FCHO2: variants seen among roughly 807,000 people sequenced by gnomAD.
The protein encoded by FCHO2 is FCH and mu domain containing endocytic adaptor 2, also known as F-BAR domain only protein 2.
FCHO2 carries 43 observed loss-of-function variants against 114.1 expected under a neutral mutation model. The observed-to-expected ratio is 0.38, with a 90% CI of 0.30 to 0.49. FCHO2 has a LOEUF of 0.49. FCHO2 is among the 20% of genes least tolerant of loss of function. The probability of loss-of-function intolerance (pLI) is 0.97; values close to 1 mark genes in which losing one functional copy is unlikely to be tolerated. For synonymous variants in FCHO2, 293 were observed against 315.2 expected (o/e 0.93, Z 0.75); for missense variants, 807 against 950.4 (o/e 0.85, Z 1.98).
chr5:73,068,757 T>C lies in FCHO2; in HGVS notation c.1557T>C (p.Ser519=), dbSNP rs1742489366. The change falls in exon 19 of 26, where the codon AGT becomes AGC. Residue 519 remains serine (S), a synonymous_variant. Coordinates refer to ENST00000430046, the MANE Select transcript of FCHO2 (RefSeq NM_138782.3). ...SSSISSSASL[S]AANTPTVGVS... The stretch of plus-strand genomic sequence containing the variant: ...CTATCTCATCATCTGCTTCATTGAG[T>C]GCTGCCAATACTCCAACAGTAGGTA... The C allele has an allele frequency of 6.2e-7, 1 of 1,612,150 alleles. No individual in the cohort carries two copies. Among genetic ancestry groups the C allele is most frequent in the East Asian group, 2.2e-5 (1 of 44,820 alleles).
intron 19 of FCHO2, among the ~76,000 whole-genome samples, chr5:73,071,047 A>G (rs187813510): frequency 3.5e-4 from 53 of 152,166 alleles, no homozygotes; most frequent in Admixed American, 1.9e-3. Context: ...GAATTGTATG[A>G]TGTCTCAGAA....
chr5:73,058,587 A>T (rs1360123135), intron 17 of FCHO2, 63 bp downstream of exon 17: 6 of 744,422 alleles, frequency 8.1e-6, no homozygotes, highest in African/African-American at 3.7e-5. Flanking sequence ...GCTTTTTCTC[A>T]TTCACTTTTT....
intron 13 of FCHO2, 94 bp downstream of exon 13, chr5:73,052,601 A>G (rs551242714): frequency 1.6e-5 from 16 of 973,952 alleles, no homozygotes; most frequent in Admixed American, 9.0e-5. Context: ...ATTGTTAAGC[A>G]TGTTGACTGA....
intron 11 of FCHO2, among the ~76,000 whole-genome samples, chr5:73,050,844 ACT>A (rs1242861743): frequency 6.6e-6 from 1 of 151,528 alleles, no homozygotes; most frequent in Non-Finnish European, 1.5e-5. Context: ...TCTGGTTGTC[ACT>A]CTTTATGGCA....
chr5:73,049,022 G>A (rs1161610815), intron 11 of FCHO2, among the ~76,000 whole-genome samples: 3 of 150,722 alleles, frequency 2.0e-5, no homozygotes, highest in African/African-American at 7.3e-5. Flanking sequence ...GACTACAGGC[G>A]CCCGCTACCA....
At chr5:73,020,900 TATC>T (rs776760277) in intron 8 of FCHO2, 174 of 1,240,724 alleles carry the variant, frequency 1.4e-4, no homozygotes, top group Non-Finnish European at 1.9e-4. Flanking sequence ...CGGGAGAGCT[TATC>T]ATCTTTATCG....
chr5:72,964,798 C>T (rs1752100287), intron 1 of FCHO2, among the ~76,000 whole-genome samples: 1 of 152,086 alleles, frequency 6.6e-6, no homozygotes, highest in African/African-American at 2.4e-5. Flanking sequence ...GGTTGTCTCC[C>T]CATCCATAAT....
At chr5:73,050,320 A>C (rs2112832216) in intron 11 of FCHO2, among the ~76,000 whole-genome samples, 1 of 149,008 alleles carries the variant, frequency 6.7e-6, no homozygotes, top group South Asian at 2.1e-4. Context: ...TTATTTATTT[A>C]TTTATTTATT....
intron 22 of FCHO2, among the ~76,000 whole-genome samples, chr5:73,080,027 T>C (rs1743040201): frequency 6.6e-6 from 1 of 152,234 alleles, no homozygotes; most frequent in Non-Finnish European, 1.5e-5. Context: ...AATAAATGTG[T>C]GTGTTTATAA....
intron 18 of FCHO2, among the ~76,000 whole-genome samples, chr5:73,067,576 A>G (rs186188768): frequency 9.9e-5 from 15 of 152,198 alleles, no homozygotes; most frequent in Admixed American, 6.6e-4. Context: ...ATATTCATGC[A>G]ATGAAGAATT....
chr5:72,961,825 A>G (rs1276533907), intron 1 of FCHO2, among the ~76,000 whole-genome samples: 1 of 152,154 alleles, frequency 6.6e-6, no homozygotes, highest in Non-Finnish European at 1.5e-5. Flanking sequence ...TCCTGACCTC[A>G]GGTGATCCGC....
At position 72,990,771 on chromosome 5, in the gene FCHO2, G is replaced by T; in HGVS notation, c.402G>T (p.Gln134His). The T allele has an allele frequency of 1.9e-6, 3 of 1,555,880 alleles. No homozygotes were observed. Among genetic ancestry groups the T allele is most frequent in the Non-Finnish European group, 2.6e-6 (3 of 1,149,072 alleles). ...TCCAAACCATTCAGAGCATAACTCAGGCCCTCCAGAAATCCAAGGAAAATT... is the reference window on the plus strand; with the variant it reads ...TCCAAACCATTCAGAGCATAACTCATGCCCTCCAGAAATCCAAGGAAAATT... Reference protein sequence around the residue: ...EAVQTIQSITQALQKSKENYN... With the variant: ...EAVQTIQSITHALQKSKENYN... Residue 134 changes from glutamine (Q) to histidine (H), a missense_variant, in exon 5 of 26, where the codon CAG becomes CAT. Physicochemically the swap from Gln to His is conservative, Grantham distance 24 (BLOSUM62 0). Transcript: ENST00000430046.
intron 19 of FCHO2, among the ~76,000 whole-genome samples, chr5:73,071,616 T>G (rs1036631361): frequency 2.0e-5 from 3 of 152,206 alleles, no homozygotes; most frequent in Non-Finnish European, 4.4e-5. Context: ...GAGAATAAAT[T>G]TTTATTTCTA....
At chr5:73,034,579 T>C in intron 8 of FCHO2, 78 bp from the exon 9 acceptor site, 1 of 1,133,306 alleles carries the variant, frequency 8.8e-7, no homozygotes, top group South Asian at 1.5e-5. Context: ...ATAAAAAATT[T>C]AAAATGTAAA....
At position 73,078,170 on chromosome 5, in the gene FCHO2, A is replaced by C. The variant is rs1428026121; in HGVS notation, c.1848-10A>C. On this transcript the variant is annotated splice_polypyrimidine_tract_variant and intron_variant, in intron 21 of 25. Coordinates refer to ENST00000430046, the MANE Select transcript of FCHO2 (RefSeq NM_138782.3). ...CAATAAAATAACAAATATATTTTTT[A>C]TATATGTAGTGATCCATCACAATGT... 2 of 1,490,120 alleles carry C rather than the reference A, an allele frequency of 1.3e-6. No individual in the cohort carries two copies. Among genetic ancestry groups the C allele is most frequent in the Admixed American group, 5.1e-5 (2 of 39,556 alleles). 92.3% of individuals were successfully genotyped at this position (1,490,120 alleles called of 1,614,324 possible). A position where few individuals can be genotyped will look rare whatever the true frequency, so the allele number is the denominator to read the frequency against.
At chr5:73,014,269 T>G (rs1450203951) in intron 6 of FCHO2, among the ~76,000 whole-genome samples, 2 of 151,604 alleles carry the variant, frequency 1.3e-5, no homozygotes, top group Non-Finnish European at 2.9e-5. Flanking sequence ...ATATTATTAT[T>G]TCTTTTTTCT....
In FCHO2 at chr5:73,048,779, A is replaced by G. The variant is rs555583499; in HGVS notation, c.940-2570A>G. ...AGTTTTTCTCTGTAGGGGTTGTGCCAATTATTGTATTAATACCCACAAAGT... is the reference window on the plus strand; with the variant it reads ...AGTTTTTCTCTGTAGGGGTTGTGCCGATTATTGTATTAATACCCACAAAGT... On this transcript the variant is annotated intron_variant, in intron 11 of 25. Transcript: ENST00000430046. Among the ~76,000 whole-genome samples the G allele has an allele frequency of 2.6e-4, 36 of 135,968 alleles. No individual in the cohort carries two copies. In the East Asian group the frequency reaches 3.7e-3, roughly 14 times the overall value. The allele number at this position is 135,968 out of a possible 152,430, so 89.2% of individuals were successfully genotyped here.
chr5:73,073,005 A>G (rs960204392), intron 19 of FCHO2, among the ~76,000 whole-genome samples: 8 of 152,104 alleles, frequency 5.3e-5, no homozygotes, highest in African/African-American at 1.7e-4. Flanking sequence ...TTAGAACAAT[A>G]TATTAGGGAA....
chr5:72,990,481 A>C lies in FCHO2; in HGVS notation c.204A>C (p.Thr68=). The change falls in exon 4 of 26, where the codon ACA becomes ACC. Residue 68 remains threonine (T), a synonymous_variant. Coordinates refer to ENST00000430046, the MANE Select transcript of FCHO2 (RefSeq NM_138782.3). The part of the protein sequence containing the change: ...KSASNYSQLG[T]FAPVWDVFKT... ...CCCATATTTTTTATTTTCTTAGAACATTTGCACCAGTATGGGATGTATTCA... is the reference window on the plus strand; with the variant it reads ...CCCATATTTTTTATTTTCTTAGAACCTTTGCACCAGTATGGGATGTATTCA... 6.6e-7 allele frequency: 1 copy of C among 1,505,512 alleles called. No homozygotes were observed. The highest frequency in any genetic ancestry group is 8.8e-7 in the Non-Finnish European group (1 of 1,132,864). The allele number at this position is 1,505,512 out of a possible 1,614,324, so 93.3% of individuals were successfully genotyped here.
Sources: allele counts gnomAD v4.1 joint callset (sites outside exome capture counted in the v4.1 genomes callset), GRCh38; gene constraint gnomAD v4.1.1; transcripts MANE v1.5; gene names NCBI Gene and HGNC (gene_info 2026-07-23, HGNC 2026-07-21).